The following NR6A1 variants were observed in gnomAD, a reference collection of about 807,000 sequenced individuals.
NR6A1 encodes nuclear receptor subfamily 6 group A member 1.
Under a neutral mutation model 59.1 loss-of-function variants are expected in NR6A1, and 7 were observed. That is an observed-to-expected ratio of 0.12 (90% CI 0.07 to 0.22). The LOEUF is 0.22. Ranked by LOEUF, NR6A1 falls within the 10% of genes least tolerant of loss-of-function variation. The pLI is 1.00. For missense variants in NR6A1, 468 were observed against 611.6 expected (o/e 0.77, Z 2.48); for synonymous variants, 243 against 236.1 (o/e 1.03, Z -0.27).
chr9:124,748,689 T>A (rs1840406317), intron 1 of NR6A1, among the ~76,000 whole-genome samples: 1 of 150,256 alleles, frequency 6.7e-6, no homozygotes, highest in Admixed American at 6.6e-5. Context: ...TGAAACCCCG[T>A]CTCTATTAAA....
chr9:124,758,498 A>G (rs930502752), intron 1 of NR6A1, among the ~76,000 whole-genome samples: 1 of 152,218 alleles, frequency 6.6e-6, no homozygotes, highest in Admixed American at 6.5e-5. Context: ...TATGAGTTTG[A>G]CTCAGCAAAT....
At chr9:124,629,491 C>T (rs1302545966) in intron 2 of NR6A1, among the ~76,000 whole-genome samples, 1 of 152,142 alleles carries the variant, frequency 6.6e-6, no homozygotes, top group Non-Finnish European at 1.5e-5. Flanking sequence ...GTATCATCAC[C>T]TCCATTTTAC....
chr9:124,670,230 A>T (rs920338876), intron 2 of NR6A1, among the ~76,000 whole-genome samples: 13 of 151,802 alleles, frequency 8.6e-5, no homozygotes, highest in Non-Finnish European at 1.9e-4. Context: ...AAAAAAAAAA[A>T]AAAATCAAAA....
chr9:124,633,126 C>T (rs1379420629), intron 2 of NR6A1, among the ~76,000 whole-genome samples: 3 of 152,074 alleles, frequency 2.0e-5, no homozygotes, highest in Non-Finnish European at 4.4e-5. Context: ...CACTTCAGGC[C>T]GGGCGCAGTG....
At chr9:124,529,748 G>C (rs930618181) in intron 7 of NR6A1, among the ~76,000 whole-genome samples, 1 of 152,206 alleles carries the variant, frequency 6.6e-6, no homozygotes, top group African/African-American at 2.4e-5. Context: ...ACAGTGCACA[G>C]AACTGCCACT....
At chr9:124,588,136 A>T (rs974320512) in intron 2 of NR6A1, among the ~76,000 whole-genome samples, 1 of 152,210 alleles carries the variant, frequency 6.6e-6, no homozygotes, top group African/African-American at 2.4e-5. Flanking sequence ...TCTTGTCAGC[A>T]TATGATATAT....
intron 1 of NR6A1, among the ~76,000 whole-genome samples, chr9:124,734,671 C>T (rs1839973643): frequency 1.3e-5 from 2 of 151,926 alleles, no homozygotes; most frequent in Non-Finnish European, 2.9e-5. Context: ...CCAGCCTGGG[C>T]AACAGAGCGA....
At chr9:124,700,344 A>G (rs1838901783) in intron 2 of NR6A1, among the ~76,000 whole-genome samples, 1 of 151,846 alleles carries the variant, frequency 6.6e-6, no homozygotes, top group Non-Finnish European at 1.5e-5. Context: ...ACAGGCATAC[A>G]CCACCATGCC....
intron 1 of NR6A1, among the ~76,000 whole-genome samples, chr9:124,738,815 C>T (rs1310024746): frequency 6.6e-6 from 1 of 151,938 alleles, no homozygotes; most frequent in Non-Finnish European, 1.5e-5. Flanking sequence ...CCAGCTTGGC[C>T]AACATAGTGA....
At chr9:124,751,112 T>C (rs1053304899) in intron 1 of NR6A1, among the ~76,000 whole-genome samples, 1 of 152,124 alleles carries the variant, frequency 6.6e-6, no homozygotes, top group East Asian at 1.9e-4. Context: ...CCTTATAAGG[T>C]TGCTGCATGT....
At chr9:124,601,036 G>A (rs1835431355) in intron 2 of NR6A1, among the ~76,000 whole-genome samples, 1 of 151,976 alleles carries the variant, frequency 6.6e-6, no homozygotes, top group Admixed American at 6.6e-5. Flanking sequence ...AGCACTTTGG[G>A]AGGCCAAGGC....
At chr9:124,654,377 C>A (rs1002001829) in intron 2 of NR6A1, among the ~76,000 whole-genome samples, 9 of 152,134 alleles carry the variant, frequency 5.9e-5, no homozygotes, top group African/African-American at 9.7e-5. Flanking sequence ...TTGGAAAAAA[C>A]CCAAATTTCT....
intron 2 of NR6A1, among the ~76,000 whole-genome samples, chr9:124,647,745 A>G (rs1429709341): frequency 2.2e-5 from 2 of 91,642 alleles, no homozygotes; most frequent in Non-Finnish European, 3.9e-5. Context: ...AAAAAAAGAA[A>G]GAAAGAAAGA....
chr9:124,534,261 C>T (rs933463174), intron 7 of NR6A1, among the ~76,000 whole-genome samples: 1 of 151,940 alleles, frequency 6.6e-6, no homozygotes, highest in Non-Finnish European at 1.5e-5. Context: ...TTAGTAGAGA[C>T]AGGGGTTCTC....
chr9:124,746,101 T>TA (rs1317345321), intron 1 of NR6A1, among the ~76,000 whole-genome samples: 2 of 152,094 alleles, frequency 1.3e-5, no homozygotes, highest in African/African-American at 2.4e-5. Flanking sequence ...AAATGACTTT[T>TA]AAATTACTAT....
intron 2 of NR6A1, among the ~76,000 whole-genome samples, chr9:124,578,786 C>T (rs1032415488): frequency 6.6e-6 from 1 of 152,200 alleles, no homozygotes; most frequent in African/African-American, 2.4e-5. Flanking sequence ...CTACATATAG[C>T]CCTATATCAT....
chr9:124,757,402 T>C (rs1470914764), intron 1 of NR6A1, among the ~76,000 whole-genome samples: 2 of 150,850 alleles, frequency 1.3e-5, no homozygotes, highest in Non-Finnish European at 2.9e-5. Flanking sequence ...AGAAAAAACA[T>C]TTAAAATTAA....
In NR6A1 at chr9:124,729,293, G is replaced by A. The variant is rs181975851; in HGVS notation, c.142+4015C>T. ...CAGTTTGGCTATGAGAACTTTTCTG[G>A]TATGTTTATGGAAAATGTATGAAAG... On this transcript the variant is annotated intron_variant, in intron 2 of 9. Coordinates refer to ENST00000487099, the MANE Select transcript of NR6A1 (RefSeq NM_033334.4). Among the ~76,000 whole-genome samples the A allele has an allele frequency of 2.0e-5, 3 of 152,172 alleles. No individual in the cohort carries two copies. The East Asian group carries it at 5.8e-4, about 29-fold the overall frequency.
chr9:124,553,929 T>C (rs1833856602), intron 3 of NR6A1, among the ~76,000 whole-genome samples: 1 of 152,200 alleles, frequency 6.6e-6, no homozygotes, highest in Non-Finnish European at 1.5e-5. Context: ...CTTCTGAGCA[T>C]GCCTAGCCTC....
Sources: gnomAD v4.1 joint callset for allele counts (sites outside exome capture counted in the v4.1 genomes callset) on GRCh38, gnomAD v4.1.1 for gene constraint, MANE v1.5 for transcripts, NCBI Gene and HGNC (gene_info 2026-07-23, HGNC 2026-07-21) for gene names.